The following GPD1L variants were observed in gnomAD, a reference collection of about 807,000 sequenced individuals.
GPD1L encodes glycerol-3-phosphate dehydrogenase 1-like protein.
A neutral mutation model predicts 32.9 loss-of-function variants in GPD1L; 17 were observed. The observed-to-expected ratio is 0.52, with a 90% confidence interval of 0.35 to 0.78. GPD1L has a LOEUF of 0.78. GPD1L is among the 30% of genes least tolerant of loss of function. The probability of loss-of-function intolerance (pLI) is 0.01; values close to 1 mark genes in which losing one functional copy is unlikely to be tolerated. For synonymous variants in GPD1L, 187 were observed against 165.9 expected, an observed-to-expected ratio of 1.13 and a Z score of -0.98; for missense variants, 361 against 447.8, an observed-to-expected ratio of 0.81 and a Z score of 1.75.
intron 5 of GPD1L, among the ~76,000 whole-genome samples, chr3:32,158,181 G>T (rs1415910007): frequency 1.3e-5 from 2 of 152,154 alleles, no homozygotes; most frequent in Non-Finnish European, 2.9e-5. Flanking sequence ...TCACAAAATG[G>T]AATACTATGC....
intron 4 of GPD1L, among the ~76,000 whole-genome samples, chr3:32,141,590 A>G (rs779276476): frequency 6.6e-6 from 1 of 152,184 alleles, no homozygotes; most frequent in Non-Finnish European, 1.5e-5. Context: ...GGAGAGGAGA[A>G]GTATCACAAA....
rs1700821186 is a variant in GPD1L at position 32,146,159 on chromosome 3, T to C, written c.506-463T>C. ...TGGAGTGCAGTGGTGAGATCTCAGC[T>C]CACTACAGCCTCCACCTCCTGGGTT... On this transcript the variant is annotated intron_variant, in intron 4 of 7. Coordinates refer to ENST00000282541, the MANE Select transcript of GPD1L (RefSeq NM_015141.4). Among the ~76,000 whole-genome samples the C allele has an allele frequency of 2.0e-5, 3 of 149,750 alleles. No individual in the cohort carries two copies. In the South Asian group the frequency reaches 6.4e-4, roughly 32 times the overall value.
intron 4 of GPD1L, among the ~76,000 whole-genome samples, chr3:32,141,258 A>AT (rs924519312): frequency 2.0e-5 from 3 of 152,032 alleles, no homozygotes; most frequent in African/African-American, 7.2e-5. Context: ...ACTTTTTAGG[A>AT]TTTTTTTGGA....
chr3:32,121,274 C>T (rs1391440078), intron 1 of GPD1L, among the ~76,000 whole-genome samples: 1 of 151,572 alleles, frequency 6.6e-6, no homozygotes, highest in Non-Finnish European at 1.5e-5. Flanking sequence ...TTTCTCTCCT[C>T]TCTGGATGTG....
At chr3:32,163,980 C>T (rs1701110077) in intron 7 of GPD1L, among the ~76,000 whole-genome samples, 1 of 152,222 alleles carries the variant, frequency 6.6e-6, no homozygotes, top group African/African-American at 2.4e-5. Context: ...CTCCAGGCAT[C>T]ACATTCACTT....
rs1373313206 is a variant in GPD1L, at chr3:32,121,501, CTCTCTA to C, written c.48-6573_48-6568del. Among the ~76,000 whole-genome samples the C allele has an allele frequency of 2.4e-4, 22 of 92,120 alleles. 1 individual carries two copies. Among genetic ancestry groups the C allele is most frequent in the Middle Eastern group, 5.2e-3 (1 of 192 alleles). 60.4% of individuals were successfully genotyped at this position (92,120 alleles called of 152,430 possible). On this transcript the variant is annotated intron_variant, in intron 1 of 7. Coordinates refer to ENST00000282541, the MANE Select transcript of GPD1L (RefSeq NM_015141.4). Reference sequence around the variant, plus strand: ...TATATATTTCTCTCTATATATATTTCTCTCTATATATATTTCTCTCTATATATATTT... The same window carrying C: ...TATATATTTCTCTCTATATATATTTCTATATATTTCTCTCTATATATATTT...
Position 32,146,756 on chromosome 3 carries a change from GA to G in GPD1L, c.618+23del, listed in dbSNP as rs11351972. On this transcript the variant is annotated intron_variant, in intron 5 of 7. Coordinates refer to ENST00000282541, the MANE Select transcript of GPD1L (RefSeq NM_015141.4). ...TAAGGTAAAGTCAGCCTCAGGGGAG[GA>G]GTTCATCAAGCAAGGCAAATGTTAG... 0.034 allele frequency: 46,806 copies of G among 1,376,578 alleles called. 1,957 individuals are homozygous for G. Among genetic ancestry groups the G allele is most frequent in the African/African-American group, 0.17 (12,016 of 70,234 alleles). The allele number at this position is 1,376,578 out of a possible 1,614,324, so 85.3% of individuals were successfully genotyped here. A position where few individuals can be genotyped will look rare whatever the true frequency, so the allele number is the denominator to read the frequency against.
At position 32,153,036 on chromosome 3, in the gene GPD1L, A is replaced by G. The variant is rs571126549; in HGVS notation, c.619-5840A>G. Among the ~76,000 whole-genome samples the G allele has an allele frequency of 1.1e-4, 16 of 152,274 alleles. No homozygotes were observed. In the South Asian group the frequency reaches 3.3e-3, roughly 32 times the overall value. On this transcript the variant is annotated intron_variant, in intron 5 of 7. Transcript: ENST00000282541. Reference sequence around the variant, plus strand: ...AGCCATATACTTGCATTAAAATAAGAGATTCTATTATTGTAGAAGGAAAGA... The same window carrying G: ...AGCCATATACTTGCATTAAAATAAGGGATTCTATTATTGTAGAAGGAAAGA...
intron 1 of GPD1L, among the ~76,000 whole-genome samples, chr3:32,125,448 T>C (rs998056313): frequency 6.6e-6 from 1 of 152,242 alleles, no homozygotes; most frequent in Non-Finnish European, 1.5e-5. Context: ...AGCCCTGATT[T>C]GCGAAGCTTT....
Position 32,165,929 on chromosome 3 carries a change from T to C in GPD1L, c.*19T>C, listed in dbSNP as rs369395607. 48 of 1,338,042 alleles carry C rather than the reference T, an allele frequency of 3.6e-5. No homozygotes were observed. The highest frequency in any genetic ancestry group is 4.7e-5 in the Non-Finnish European group (44 of 927,736). 82.9% of individuals were successfully genotyped at this position (1,338,042 alleles called of 1,614,324 possible). On this transcript the variant is annotated 3_prime_UTR_variant, in exon 8 of 8. Coordinates refer to ENST00000282541, the MANE Select transcript of GPD1L (RefSeq NM_015141.4). Reference sequence around the variant, plus strand: ...TACATAAAGTGAATCATGCAACGTGTTGGGGGAAGTTCTGCCTTTCTGATC... The same window carrying C: ...TACATAAAGTGAATCATGCAACGTGCTGGGGGAAGTTCTGCCTTTCTGATC...
chr3:32,124,037 C>T (rs1458747603), intron 1 of GPD1L, among the ~76,000 whole-genome samples: 1 of 151,962 alleles, frequency 6.6e-6, no homozygotes, highest in African/African-American at 2.4e-5. Context: ...TTGGACTGGC[C>T]TTCTGTTGGC....
At chr3:32,153,842 A>G (rs1700952559) in intron 5 of GPD1L, among the ~76,000 whole-genome samples, 1 of 152,146 alleles carries the variant, frequency 6.6e-6, no homozygotes, top group Admixed American at 6.5e-5. Flanking sequence ...AGCCCCATCC[A>G]ACCCACCCCT....
intron 5 of GPD1L, among the ~76,000 whole-genome samples, chr3:32,152,511 C>T (rs182205233): frequency 4.1e-4 from 63 of 152,266 alleles, no homozygotes; most frequent in Non-Finnish European, 7.9e-4. Context: ...ACCTTGAATG[C>T]TGCCGGAGGG....
chr3:32,125,401 T>G (rs1243612254), intron 1 of GPD1L, among the ~76,000 whole-genome samples: 1 of 152,194 alleles, frequency 6.6e-6, no homozygotes, highest in East Asian at 1.9e-4. Context: ...GTTAGCTGAG[T>G]ATTTGGGTGG....
intron 5 of GPD1L, chr3:32,151,462 GT>G: frequency 2.2e-6 from 1 of 446,214 alleles, no homozygotes; most frequent in Non-Finnish European, 4.0e-6. Context: ...TTAAAAAAAG[GT>G]TTTTTAGCTT....
chr3:32,126,118 C>G (rs1193775189), intron 1 of GPD1L, among the ~76,000 whole-genome samples: 1 of 152,072 alleles, frequency 6.6e-6, no homozygotes, highest in Non-Finnish European at 1.5e-5. Context: ...TCACCTGAGC[C>G]CAGGAGGTCG....
chr3:32,118,561 T>A (rs2125471999), intron 1 of GPD1L, among the ~76,000 whole-genome samples: 1 of 152,288 alleles, frequency 6.6e-6, no homozygotes, highest in South Asian at 2.1e-4. Flanking sequence ...TTGCCATCCT[T>A]TTTAAGTGTG....
At chr3:32,140,170 T>G in intron 3 of GPD1L, 58 bp from the exon 4 acceptor site, 1 of 1,592,686 alleles carries the variant, frequency 6.3e-7, no homozygotes, top group Non-Finnish European at 8.6e-7. Context: ...ACATCTACTA[T>G]CCCATGCCTC....
chr3:32,116,533 G>C (rs1273432233), intron 1 of GPD1L, among the ~76,000 whole-genome samples: 1 of 149,794 alleles, frequency 6.7e-6, no homozygotes, highest in Non-Finnish European at 1.5e-5. Flanking sequence ...GTTTTGTGTT[G>C]AGAAGGATTC....
Sources: gnomAD v4.1 joint callset for allele counts (sites outside exome capture counted in the v4.1 genomes callset) on GRCh38, gnomAD v4.1.1 for gene constraint, MANE v1.5 for transcripts, NCBI Gene and HGNC (gene_info 2026-07-23, HGNC 2026-07-21) for gene names.